Variants in PLAA observed in about 807,000 individuals in gnomAD.
PLAA encodes phospholipase A2 activating protein.
Under a neutral mutation model 84.1 loss-of-function variants are expected in PLAA, and 48 were observed. The ratio of observed to expected loss-of-function variants is 0.57; its 90% CI spans 0.45 to 0.73. The LOEUF (loss-of-function observed/expected upper bound fraction) is 0.73, where lower values mean the gene tolerates loss of function less well. PLAA is among the 30% of genes least tolerant of loss of function. The pLI is 0.00. For missense variants in PLAA, 903 were observed against 954.7 expected (o/e 0.95, Z 0.71); for synonymous variants, 392 against 336.6 (o/e 1.16, Z -1.80).
At chr9:26,926,708 T>A (rs780557863) in intron 4 of PLAA, 148 bp from the exon 5 acceptor site, 4 of 552,088 alleles carry the variant, frequency 7.2e-6, no homozygotes, top group South Asian at 4.3e-5. Context: ...GAAAGCCTGA[T>A]AACCAAAATT....
intron 1 of PLAA, among the ~76,000 whole-genome samples, chr9:26,939,445 T>C (rs1330513631): frequency 2.8e-5 from 2 of 70,840 alleles, no homozygotes; most frequent in African/African-American, 5.5e-5. Context: ...ATAAATCAAC[T>C]AAACACAAAA....
At position 26,946,944 on chromosome 9, in the gene PLAA, A is replaced by G. The variant is rs1243708490; in HGVS notation, c.102T>C (p.Phe34=). ...TGGTGCGGTCTCGGGACACGGACAC[A>G]AAGGCTCCCGGCGGATAGGCGCAGC... ...LVCCAYPPGA[F]VSVSRDRTTR... The change falls in exon 1 of 14, where the codon TTT becomes TTC. Residue 34 remains phenylalanine, a synonymous_variant. Transcript: ENST00000397292. 1.3e-6 allele frequency: 2 copies of G among 1,587,332 alleles called. No individual in the cohort carries two copies. The highest frequency in any genetic ancestry group is 2.3e-5 in the East Asian group (1 of 43,480).
At chr9:26,946,137 C>T (rs1001818996) in intron 1 of PLAA, among the ~76,000 whole-genome samples, 1 of 152,166 alleles carries the variant, frequency 6.6e-6, no homozygotes, top group African/African-American at 2.4e-5. Flanking sequence ...TACTAAATAA[C>T]AAAATAACTA....
At position 26,910,444 on chromosome 9, in the gene PLAA, TTAAAGAA is replaced by T. The variant is rs754196615; in HGVS notation, c.1556-12_1556-6del. 1 of 1,593,962 alleles carries T rather than the reference TTAAAGAA, an allele frequency of 6.3e-7. No individual in the cohort carries two copies. ...CTGATCGGTAGGCACTATTCCCTAT[TTAAAGAA>T]TAGAAGATGATGATAATCACAAGGA... is the stretch of plus-strand genomic sequence containing the variant. On this transcript the variant is annotated splice_polypyrimidine_tract_variant and splice_region_variant and intron_variant, in intron 11 of 13. Transcript: ENST00000397292.
chr9:26,916,999 A>G (rs1232790085), intron 10 of PLAA, 98 bp downstream of exon 10: 1 of 976,218 alleles, frequency 1.0e-6, no homozygotes, highest in Non-Finnish European at 1.6e-6. Context: ...TAAGGGAATT[A>G]CCAATTACTG....
At chr9:26,916,976 T>C in intron 10 of PLAA, 121 bp downstream of exon 10, 8 of 827,418 alleles carry the variant, frequency 9.7e-6, no homozygotes, top group Non-Finnish European at 1.5e-5. Flanking sequence ...TCCATCAAAA[T>C]TGGAAATGCA....
At chr9:26,923,048 A>T (rs947270514) in intron 7 of PLAA, 130 bp downstream of exon 7, 3 of 636,078 alleles carry the variant, frequency 4.7e-6, no homozygotes, top group Middle Eastern at 2.8e-4. Flanking sequence ...ATTATATGTA[A>T]TAGTAAAAAT....
At chr9:26,946,793 TG>T in intron 1 of PLAA, 103 bp downstream of exon 1, 3 of 1,300,400 alleles carry the variant, frequency 2.3e-6, no homozygotes, top group Non-Finnish European at 2.1e-6. Context: ...GAGGGAAGGC[TG>T]GGGGGAGAGA....
intron 4 of PLAA, 35 bp downstream of exon 4, chr9:26,928,065 A>G (rs1825036118): frequency 6.4e-7 from 1 of 1,571,436 alleles, no homozygotes; most frequent in Non-Finnish European, 8.6e-7. Context: ...AATAAAAAGC[A>G]ATGATATTAT....
chr9:26,923,128 A>G, intron 7 of PLAA, 50 bp downstream of exon 7: 1 of 1,364,412 alleles, frequency 7.3e-7, no homozygotes, highest in Non-Finnish European at 1.0e-6. Flanking sequence ...TAATTGTTCC[A>G]AAAGCCAAAT....
At chr9:26,926,326 A>G in intron 5 of PLAA, 67 bp downstream of exon 5, 1 of 1,018,742 alleles carries the variant, frequency 9.8e-7, no homozygotes, top group Admixed American at 2.0e-5. Flanking sequence ...TCCTCCCTCC[A>G]TCTCACAAAT....
chr9:26,941,288 G>T (rs555388057), intron 1 of PLAA, among the ~76,000 whole-genome samples: 7 of 152,088 alleles, frequency 4.6e-5, no homozygotes, highest in East Asian at 3.9e-4. Context: ...ATCTTTGAAT[G>T]GGGGGACATA....
At chr9:26,913,138 CAT>C (rs1023335561) in intron 11 of PLAA, among the ~76,000 whole-genome samples, 2 of 152,132 alleles carry the variant, frequency 1.3e-5, no homozygotes, top group African/African-American at 4.8e-5. Flanking sequence ...TGCTGAATAA[CAT>C]ATATGTTACT....
chr9:26,937,258 T>C (rs1042925410), intron 1 of PLAA, among the ~76,000 whole-genome samples: 3 of 151,968 alleles, frequency 2.0e-5, no homozygotes, highest in African/African-American at 7.3e-5. Flanking sequence ...TGGAAAAAAT[T>C]AGAAAGTGAA....
At chr9:26,907,081 A>T (rs1284761298) in intron 13 of PLAA, among the ~76,000 whole-genome samples, 3 of 151,046 alleles carry the variant, frequency 2.0e-5, no homozygotes, top group Admixed American at 2.0e-4. Flanking sequence ...TCAGTGGCAT[A>T]AAAAAAAATA....
intron 6 of PLAA, among the ~76,000 whole-genome samples, chr9:26,924,879 T>C (rs891880397): frequency 6.6e-6 from 1 of 152,210 alleles, no homozygotes; most frequent in Non-Finnish European, 1.5e-5. Flanking sequence ...TCAGTTCTTA[T>C]ACTAAGCTCC....
At position 26,928,115 on chromosome 9, in the gene PLAA, C is replaced by T; in HGVS notation, c.550G>A (p.Glu184Lys). 6.2e-7 allele frequency: 1 copy of T among 1,613,896 alleles called. No individual in the cohort carries two copies. Among genetic ancestry groups the T allele is most frequent in the South Asian group, 1.1e-5 (1 of 91,020 alleles). Reference protein sequence around the residue: ...TVKLWKAGRCERTFSGHEDCV... With the variant: ...TVKLWKAGRCKRTFSGHEDCV... ...CTGATCTTACCTGAAAAAGTCCTCT[C>T]ACATCTTCCAGCCTTCCACAGTTTA... The change falls in exon 4 of 14, where the codon GAG (glutamate) becomes AAG (lysine). Residue 184 changes from glutamate to lysine, a missense_variant. By Grantham distance (56) the Glu-to-Lys change is moderately conservative. Transcript: ENST00000397292.
intron 6 of PLAA, among the ~76,000 whole-genome samples, chr9:26,923,630 C>T (rs1349409463): frequency 1.3e-5 from 2 of 152,098 alleles, no homozygotes; most frequent in Non-Finnish European, 2.9e-5. Flanking sequence ...ATAGTATGTA[C>T]TTTTAAAGTC....
chr9:26,942,734 T>C (rs1377488558), intron 1 of PLAA, among the ~76,000 whole-genome samples: 1 of 151,920 alleles, frequency 6.6e-6, no homozygotes, highest in African/African-American at 2.4e-5. Flanking sequence ...TACAAAAAAT[T>C]AGCCGGGCGC....
Sources: gnomAD v4.1 joint callset for allele counts (sites outside exome capture counted in the v4.1 genomes callset) on GRCh38, gnomAD v4.1.1 for gene constraint, MANE v1.5 for transcripts, NCBI Gene and HGNC (gene_info 2026-07-23, HGNC 2026-07-21) for gene names.